AOPEP: variants seen among roughly 807,000 people sequenced by gnomAD.
The protein encoded by AOPEP is aminopeptidase O.
In AOPEP, 77 loss-of-function variants were observed where a neutral mutation model predicts 98.1. The ratio of observed to expected loss-of-function variants is 0.78; its 90% CI spans 0.65 to 0.95. The LOEUF (loss-of-function observed/expected upper bound fraction) is 0.95. Ranked by LOEUF, AOPEP falls within the 40% of genes least tolerant of loss-of-function variation. The pLI is 0.00. For missense variants in AOPEP, 1,024 were observed against 1,024.7 expected (o/e 1.00, Z 0.01); for synonymous variants, 346 against 365.3 (o/e 0.95, Z 0.60).
intron 4 of AOPEP, among the ~76,000 whole-genome samples, chr9:94,800,485 A>C (rs969654078): frequency 6.6e-5 from 10 of 152,220 alleles, no homozygotes; most frequent in African/African-American, 9.6e-5. Flanking sequence ...AGGTCCCCCC[A>C]CAACAAAGTT....
intron 5 of AOPEP, among the ~76,000 whole-genome samples, chr9:94,820,575 C>G (rs1214595419): frequency 6.6e-6 from 1 of 152,144 alleles, no homozygotes; most frequent in African/African-American, 2.4e-5. Context: ...GGATCTTTGA[C>G]TTTTTCCAAA....
chr9:95,077,073 C>CG lies in AOPEP; in HGVS notation c.2233-3621_2233-3620insG. 1.3e-5 allele frequency among the ~76,000 whole-genome samples: 2 copies of CG among 152,298 alleles called. 1 individual carries two copies. Among genetic ancestry groups the CG allele is most frequent in the South Asian group, 4.1e-4 (2 of 4,830 alleles). The stretch of plus-strand genomic sequence containing the variant: ...CTGGGGAGGAGAGGGGGAGGGGACA[C>CG]TATCTCTTGGTAGGTCCCTCTGACC... On this transcript the variant is annotated intron_variant, in intron 14 of 16. Transcript: ENST00000375315.
At chr9:94,987,126 G>A (rs191293107) in intron 11 of AOPEP, among the ~76,000 whole-genome samples, 253 of 152,362 alleles carry the variant, frequency 1.7e-3, no homozygotes, top group Admixed American at 3.1e-3. Flanking sequence ...ATGAGAGACT[G>A]TGGATGATTC....
At chr9:94,758,689 A>C (rs1452325867) in intron 1 of AOPEP, among the ~76,000 whole-genome samples, 1 of 152,212 alleles carries the variant, frequency 6.6e-6, no homozygotes, top group Non-Finnish European at 1.5e-5. Flanking sequence ...TTCTCCTGCC[A>C]TTTCTTTTTT....
intron 5 of AOPEP, among the ~76,000 whole-genome samples, chr9:94,861,181 A>C (rs2044923110): frequency 2.0e-5 from 3 of 152,130 alleles, no homozygotes; most frequent in Non-Finnish European, 4.4e-5. Flanking sequence ...GGCCAAGGCA[A>C]ATTGTGGCTC....
At chr9:94,864,985 A>G (rs1484080279) in intron 5 of AOPEP, among the ~76,000 whole-genome samples, 1 of 152,186 alleles carries the variant, frequency 6.6e-6, no homozygotes, top group African/African-American at 2.4e-5. Flanking sequence ...GAGCTATTTT[A>G]TACAATCTTC....
chr9:95,111,408 CCT>C, the AOPEP span: 1 of 1,598,860 alleles, frequency 6.3e-7, no homozygotes, highest in Non-Finnish European at 8.5e-7. Flanking sequence ...TCTGCAAGCT[CCT>C]CTCAGCCCCC....
At chr9:94,858,410 G>A (rs1554745462) in intron 5 of AOPEP, among the ~76,000 whole-genome samples, 1 of 152,190 alleles carries the variant, frequency 6.6e-6, no homozygotes, top group Non-Finnish European at 1.5e-5. Flanking sequence ...TTCTGTCACA[G>A]TTCTGGAGAC....
At chr9:95,141,352 GTC>G in the AOPEP span, among the ~76,000 whole-genome samples, 28 of 142,738 alleles carry the variant, frequency 2.0e-4, no homozygotes, top group African/African-American at 5.6e-4. Context: ...ATGTGAGGAA[GTC>G]TCTCAGTTTC....
chr9:94,785,085 C>T (rs924678420), intron 3 of AOPEP, among the ~76,000 whole-genome samples: 1 of 152,060 alleles, frequency 6.6e-6, no homozygotes, highest in Admixed American at 6.6e-5. Flanking sequence ...CAGGCATGTG[C>T]CACTATGCCC....
intron 13 of AOPEP, chr9:95,020,063 C>T (rs2063327656): frequency 6.6e-6 from 1 of 152,208 alleles, no homozygotes; most frequent in Non-Finnish European, 1.5e-5. Flanking sequence ...ACAAGCTTCT[C>T]TAATTCAAGT....
At chr9:95,068,971 A>G (rs1219146759) in intron 14 of AOPEP, among the ~76,000 whole-genome samples, 1 of 151,946 alleles carries the variant, frequency 6.6e-6, no homozygotes, top group East Asian at 1.9e-4. Context: ...GGAGCTTTCT[A>G]TGACTGCGCT....
chr9:94,862,040 T>C (rs1246565551), intron 5 of AOPEP, among the ~76,000 whole-genome samples: 1 of 152,230 alleles, frequency 6.6e-6, no homozygotes, highest in Admixed American at 6.5e-5. Flanking sequence ...TTGTGAGTGA[T>C]TAAATTCCCT....
chr9:94,912,015 A>G (rs935570581), intron 5 of AOPEP, among the ~76,000 whole-genome samples: 5 of 152,082 alleles, frequency 3.3e-5, no homozygotes, highest in African/African-American at 9.7e-5. Context: ...CCACACACAC[A>G]AGGACTTCCA....
chr9:94,997,409 T>A (rs2061310780), intron 11 of AOPEP, among the ~76,000 whole-genome samples: 1 of 152,204 alleles, frequency 6.6e-6, no homozygotes, highest in Non-Finnish European at 1.5e-5. Context: ...GAAATTTAGA[T>A]GTCTCCCAAG....
downstream of AOPEP, among the ~76,000 whole-genome samples, chr9:95,089,508 G>A (rs1411456049): frequency 6.6e-6 from 1 of 152,234 alleles, no homozygotes; most frequent in African/African-American, 2.4e-5. Flanking sequence ...GGTCCACATG[G>A]CTCAGAGCTT....
the AOPEP span, among the ~76,000 whole-genome samples, chr9:95,096,688 C>T: frequency 3.9e-5 from 6 of 152,106 alleles, no homozygotes; most frequent in African/African-American, 1.2e-4. Flanking sequence ...GGGAGGAGGT[C>T]GGCCCATGAG....
chr9:95,016,801 G>T (rs2063040377), intron 13 of AOPEP, among the ~76,000 whole-genome samples: 1 of 150,644 alleles, frequency 6.6e-6, no homozygotes, highest in South Asian at 2.1e-4. Flanking sequence ...AAGAGACAGG[G>T]TCTCTATGTT....
chr9:95,145,840 C>T, the AOPEP span, among the ~76,000 whole-genome samples: 3 of 152,058 alleles, frequency 2.0e-5, no homozygotes, highest in African/African-American at 7.2e-5. Flanking sequence ...GCTTTACCAC[C>T]GGAGAACGGG....
Sources: allele counts gnomAD v4.1 joint callset (sites outside exome capture counted in the v4.1 genomes callset), GRCh38; gene constraint gnomAD v4.1.1; transcripts MANE v1.5; gene names NCBI Gene and HGNC (gene_info 2026-07-23, HGNC 2026-07-21).